The following EPC2 variants were observed in gnomAD, a reference collection of about 807,000 sequenced individuals.
The protein encoded by EPC2 is enhancer of polycomb 2.
EPC2 carries 14 observed loss-of-function variants against 92.1 expected under a neutral mutation model. The observed-to-expected ratio is 0.15, with a 90% confidence interval of 0.10 to 0.24. The LOEUF is 0.24. EPC2 is among the 10% of genes least tolerant of loss of function. EPC2 has a pLI of 1.00. For missense variants in EPC2, 755 were observed against 971.5 expected, an observed-to-expected ratio of 0.78 and a Z score of 2.96; for synonymous variants, 340 against 334.7, an observed-to-expected ratio of 1.02 and a Z score of -0.17.
chr2:148,675,776 T>G (rs1681251386), intron 1 of EPC2, among the ~76,000 whole-genome samples: 1 of 152,204 alleles, frequency 6.6e-6, no homozygotes, highest in South Asian at 2.1e-4. Flanking sequence ...TTTATACGTT[T>G]TTTAGTCCAT....
At chr2:148,729,056 A>AT (rs1386850662) in intron 2 of EPC2, among the ~76,000 whole-genome samples, 4 of 146,472 alleles carry the variant, frequency 2.7e-5, no homozygotes, top group Non-Finnish European at 6.0e-5. Context: ...AAAAAAAAAA[A>AT]AGCAAACTTG....
chr2:148,652,904 T>C (rs1328945587), intron 1 of EPC2, among the ~76,000 whole-genome samples: 1 of 152,244 alleles, frequency 6.6e-6, no homozygotes, highest in African/African-American at 2.4e-5. Flanking sequence ...CTAGGCTTAC[T>C]CATTGCTGTA....
At chr2:148,785,544 T>A (rs892122630) in intron 13 of EPC2, among the ~76,000 whole-genome samples, 5 of 152,170 alleles carry the variant, frequency 3.3e-5, no homozygotes, top group African/African-American at 4.8e-5. Flanking sequence ...GCCGGGATAG[T>A]CTCAATCTCC....
At chr2:148,679,367 A>G (rs974999358) in intron 1 of EPC2, among the ~76,000 whole-genome samples, 2 of 152,220 alleles carry the variant, frequency 1.3e-5, no homozygotes, top group African/African-American at 4.8e-5. Flanking sequence ...CTTGAGTCTT[A>G]TTTATAAAAT....
At chr2:148,698,857 T>C (rs1681812360) in intron 2 of EPC2, among the ~76,000 whole-genome samples, 2 of 150,910 alleles carry the variant, frequency 1.3e-5, no homozygotes, top group Non-Finnish European at 1.5e-5. Flanking sequence ...AAAAGCATTA[T>C]ACTCTGTGTA....
intron 2 of EPC2, among the ~76,000 whole-genome samples, chr2:148,709,215 G>A (rs1210501993): frequency 6.6e-6 from 1 of 151,982 alleles, no homozygotes; most frequent in Non-Finnish European, 1.5e-5. Context: ...ACAAACAGAG[G>A]CCAAATCATG....
chr2:148,709,953 T>G (rs1682099701), intron 2 of EPC2, among the ~76,000 whole-genome samples: 1 of 152,076 alleles, frequency 6.6e-6, no homozygotes, highest in Non-Finnish European at 1.5e-5. Flanking sequence ...AATTCATGAC[T>G]AAAACACCAA....
At chr2:148,706,921 T>C (rs1410237843) in intron 2 of EPC2, among the ~76,000 whole-genome samples, 1 of 152,144 alleles carries the variant, frequency 6.6e-6, no homozygotes, top group Non-Finnish European at 1.5e-5. Flanking sequence ...CCATCGATGC[T>C]AGGAAGACAC....
chr2:148,758,938 G>A (rs190264721), intron 4 of EPC2, among the ~76,000 whole-genome samples: 36 of 152,164 alleles, frequency 2.4e-4, no homozygotes, highest in African/African-American at 8.0e-4. Flanking sequence ...CTACAACATA[G>A]TCTCTAGTCT....
chr2:148,713,678 A>G (rs6720806), intron 2 of EPC2, among the ~76,000 whole-genome samples: 22,818 of 152,062 alleles, frequency 0.15, 2,525 homozygotes, highest in East Asian at 0.46. Context: ...TATCTTTTAT[A>G]CCATAGTTCT....
At chr2:148,693,653 C>G (rs1681684633) in intron 2 of EPC2, among the ~76,000 whole-genome samples, 1 of 152,146 alleles carries the variant, frequency 6.6e-6, no homozygotes, top group Non-Finnish European at 1.5e-5. Flanking sequence ...CTAGTACAGT[C>G]CCAGAGTGTA....
intron 2 of EPC2, among the ~76,000 whole-genome samples, chr2:148,713,926 C>T (rs1682206735): frequency 6.6e-6 from 1 of 152,136 alleles, no homozygotes; most frequent in African/African-American, 2.4e-5. Flanking sequence ...TTGAGGGGTA[C>T]ATGTGCAGGA....
chr2:148,781,498 T>C, intron 10 of EPC2, 146 bp from the exon 11 acceptor site: 4 of 779,076 alleles, frequency 5.1e-6, no homozygotes, highest in Non-Finnish European at 8.0e-6. Flanking sequence ...GATTTGCCAT[T>C]TTCATTAGAT....
chr2:148,783,213 C>G (rs1353514617), intron 11 of EPC2, among the ~76,000 whole-genome samples: 1 of 152,168 alleles, frequency 6.6e-6, no homozygotes, highest in East Asian at 1.9e-4. Flanking sequence ...TATTTTCATC[C>G]TATTTCAGGG....
At chr2:148,760,669 C>T (rs1415837179) in intron 4 of EPC2, among the ~76,000 whole-genome samples, 1 of 152,090 alleles carries the variant, frequency 6.6e-6, no homozygotes, top group African/African-American at 2.4e-5. Context: ...TAAAATTACA[C>T]AAAAGGATGA....
In EPC2 at chr2:148,679,395, A is replaced by G. The variant is rs184877603; in HGVS notation, c.154-10819A>G. 1.2e-3 allele frequency among the ~76,000 whole-genome samples: 180 copies of G among 152,324 alleles called. 1 individual carries two copies. The highest frequency in any genetic ancestry group is 4.2e-3 in the African/African-American group (173 of 41,566). ...TATAAAATAATATAAATATCTACCA[A>G]TATATCCCAAGATTGTGAGGACCTA... On this transcript the variant is annotated intron_variant, in intron 1 of 13. Transcript: ENST00000258484.
intron 1 of EPC2, among the ~76,000 whole-genome samples, chr2:148,655,918 T>TTG (rs1680783483): frequency 1.3e-5 from 2 of 150,938 alleles, no homozygotes; most frequent in Middle Eastern, 3.4e-3. Context: ...AATATAAAAA[T>TTG]TTAACAGCAC....
intron 3 of EPC2, 129 bp downstream of exon 3, chr2:148,743,896 A>G (rs1682931633): frequency 4.3e-6 from 3 of 693,776 alleles, no homozygotes; most frequent in African/African-American, 1.9e-5. Flanking sequence ...TTCTGTTTAC[A>G]ATGTTCCGTG....
chr2:148,695,628 C>G (rs1258179601), intron 2 of EPC2, among the ~76,000 whole-genome samples: 3 of 152,138 alleles, frequency 2.0e-5, no homozygotes, highest in Non-Finnish European at 4.4e-5. Flanking sequence ...TGATAATTGA[C>G]CTGTTCTTTC....
Sources: allele counts gnomAD v4.1 joint callset (sites outside exome capture counted in the v4.1 genomes callset), GRCh38; gene constraint gnomAD v4.1.1; transcripts MANE v1.5; gene names NCBI Gene and HGNC (gene_info 2026-07-23, HGNC 2026-07-21).